The following NSD3 variants were observed in gnomAD, a reference collection of about 807,000 sequenced individuals.
The protein encoded by NSD3 is histone-lysine N-methyltransferase NSD3.
NSD3 carries 24 observed loss-of-function variants against 160.8 expected under a neutral mutation model. That is an observed-to-expected ratio of 0.15 (90% CI 0.11 to 0.21). The LOEUF (loss-of-function observed/expected upper bound fraction) is 0.21. NSD3 is among the 10% of genes least tolerant of loss of function. The pLI, the probability that NSD3 is intolerant of heterozygous loss-of-function variation, is 1.00. For synonymous variants in NSD3, 520 were observed against 600.0 expected (o/e 0.87, Z 1.95); for missense variants, 1,157 against 1,735.9 (o/e 0.67, Z 5.93).
chr8:38,351,148 AT>A (rs1227156908), intron 1 of NSD3, among the ~76,000 whole-genome samples: 76 of 141,966 alleles, frequency 5.4e-4, no homozygotes, highest in Non-Finnish European at 8.2e-4. Context: ...TTTTTTTTGT[AT>A]TTTTTTTTTA....
intron 17 of NSD3, 55 bp downstream of exon 17, chr8:38,290,420 A>T: frequency 1.9e-6 from 3 of 1,574,180 alleles, no homozygotes; most frequent in South Asian, 2.2e-5. Flanking sequence ...GGAGATGTTG[A>T]GAAACTGACA....
At chr8:38,331,095 CAT>C (rs962317547) in intron 5 of NSD3, among the ~76,000 whole-genome samples, 12 of 152,070 alleles carry the variant, frequency 7.9e-5, no homozygotes, top group Non-Finnish European at 1.6e-4. Context: ...ATTATGGAAA[CAT>C]GCTGAAATAG....
intron 7 of NSD3, among the ~76,000 whole-genome samples, chr8:38,322,655 C>A (rs986631498): frequency 1.3e-5 from 2 of 152,146 alleles, no homozygotes; most frequent in African/African-American, 4.8e-5. Flanking sequence ...AGAACATATA[C>A]ATTTAAAACC....
rs1432516628 is a variant in NSD3 at position 38,347,482 on chromosome 8, G to A, written c.675+15C>T. 4 of 1,546,658 alleles carry A rather than the reference G, an allele frequency of 2.6e-6. No individual in the cohort carries two copies. The highest frequency in any genetic ancestry group is 1.4e-5 in the African/African-American group (1 of 71,952). Reference sequence around the variant, plus strand: ...GAAATATAACAAAATTTTTCAAAACGACTTTTCAACTTACATTTTGTTCCT... The same window carrying A: ...GAAATATAACAAAATTTTTCAAAACAACTTTTCAACTTACATTTTGTTCCT... On this transcript the variant is annotated intron_variant, in intron 2 of 23. Transcript: ENST00000317025.
intron 21 of NSD3, 36 bp downstream of exon 21, chr8:38,279,504 A>G: frequency 1.2e-6 from 2 of 1,608,846 alleles, no homozygotes; most frequent in East Asian, 2.2e-5. Flanking sequence ...CTTTCTTCCT[A>G]GGGAGGAAAG....
Position 38,270,376 on chromosome 8 carries a change from A to G in NSD3, c.*5265T>C, listed in dbSNP as rs1429662698. The G allele has an allele frequency of 6.6e-6, 1 of 152,260 alleles. No homozygotes were observed. Among genetic ancestry groups the G allele is most frequent in the East Asian group, 1.9e-4 (1 of 5,204 alleles). The allele number at this position is 152,260 out of a possible 1,614,324, so 9.4% of individuals were successfully genotyped here. ...TGTAGGTATCTGTGTTTGTTGTGCA[A>G]TATCACTCAAATGGGTACAAATGAG... On this transcript the variant is annotated 3_prime_UTR_variant, in exon 24 of 24. Transcript: ENST00000317025.
chr8:38,337,183 G>A (rs1037147932), intron 4 of NSD3, 122 bp downstream of exon 4: 15 of 901,674 alleles, frequency 1.7e-5, no homozygotes, highest in Non-Finnish European at 2.2e-5. Context: ...AAACTGATAC[G>A]GATATGCACA....
intron 2 of NSD3, among the ~76,000 whole-genome samples, chr8:38,342,920 C>T (rs1195658664): frequency 2.6e-5 from 4 of 151,436 alleles, no homozygotes; most frequent in Admixed American, 6.6e-5. Context: ...GGCCAGGTGC[C>T]GTGGCTCACG....
chr8:38,351,492 G>A (rs1262598064), intron 1 of NSD3, among the ~76,000 whole-genome samples: 2 of 151,094 alleles, frequency 1.3e-5, no homozygotes, highest in African/African-American at 2.4e-5. Context: ...GTGAAACCCC[G>A]TCTCTGCTAA....
chr8:38,285,943 T>C (rs1563342468), intron 19 of NSD3, among the ~76,000 whole-genome samples: 1 of 152,124 alleles, frequency 6.6e-6, no homozygotes, highest in African/African-American at 2.4e-5. Context: ...CTTTCCTCCT[T>C]ATCATATGTT....
chr8:38,331,282 C>G (rs1459657500), intron 5 of NSD3, 149 bp downstream of exon 5: 3 of 916,986 alleles, frequency 3.3e-6, no homozygotes, highest in African/African-American at 1.7e-5. Flanking sequence ...TACAAACTTA[C>G]TAGTCATTTA....
rs190227518 is a variant in NSD3 at position 38,329,362 on chromosome 8, C to T, written c.1581+16G>A. ...AAATACCATCCCCCAAAAAACTCCA[C>T]GAAAAAAGGAGGTACCTTTGTTGAA... On this transcript the variant is annotated intron_variant, in intron 6 of 23. Transcript: ENST00000317025. This position sits in a 1 kb window ranked among gnomAD's most constrained non-coding sequence, Gnocchi z 4.8. 306 of 1,596,098 alleles carry T rather than the reference C, an allele frequency of 1.9e-4. 1 individual carries two copies. The African/African-American group carries it at 2.2e-3, about 12-fold the overall frequency.
At chr8:38,351,877 G>T (rs181169555) in intron 1 of NSD3, among the ~76,000 whole-genome samples, 1 of 151,856 alleles carries the variant, frequency 6.6e-6, no homozygotes, top group Non-Finnish European at 1.5e-5. Context: ...GTTGTGGGGT[G>T]GGGGGAGTGG....
chr8:38,279,677 C>T lies in NSD3; in HGVS notation c.3623G>A (p.Arg1208His), dbSNP rs1808687364. 4.3e-6 allele frequency: 7 copies of T among 1,612,010 alleles called. No homozygotes were observed. In the Admixed American group the frequency reaches 6.7e-5, roughly 15 times the overall value. ...TCCTTTTGGGCCGGCATCAATTATACGGTCCTTCAGAAAGAAAAGAAAAGT... is the reference window on the plus strand; with the variant it reads ...TCCTTTTGGGCCGGCATCAATTATATGGTCCTTCAGAAAGAAAAGAAAAGT... ...NFYMLTVTKD[R>H]IIDAGPKGNY... The change falls in exon 21 of 24, where the codon CGT becomes CAT. Residue 1208 changes from arginine (R) to histidine (H), a missense_variant. Arg to His is a conservative substitution (Grantham distance 29, BLOSUM62 0). Coordinates refer to ENST00000317025, the MANE Select transcript of NSD3 (RefSeq NM_023034.2).
intron 1 of NSD3, among the ~76,000 whole-genome samples, chr8:38,350,780 C>G (rs1339270981): frequency 6.6e-6 from 1 of 152,072 alleles, no homozygotes; most frequent in Non-Finnish European, 1.5e-5. Context: ...ATTATTGCAC[C>G]TCCTCCAGTA....
rs1038512735 is a variant in NSD3 at position 38,317,607 on chromosome 8, G to T, written c.1855+1288C>A. The T allele has an allele frequency of 1.8e-6, 2 of 1,124,626 alleles. No individual in the cohort carries two copies. The highest frequency in any genetic ancestry group is 1.1e-6 in the Non-Finnish European group (1 of 915,684). 69.7% of individuals were successfully genotyped at this position (1,124,626 alleles called of 1,614,324 possible). On this transcript the variant is annotated intron_variant, in intron 9 of 23. Transcript: ENST00000317025. The surrounding 1 kb of genome is among the most constrained non-coding windows in gnomAD (Gnocchi z 5.3). ...TAATGATTGTAATGTATACAGTTTG[G>T]GCTGTTTGGCAAACCCCTGCAGATG...
intron 12 of NSD3, among the ~76,000 whole-genome samples, chr8:38,308,588 G>A (rs921578255): frequency 6.6e-6 from 1 of 152,102 alleles, no homozygotes; most frequent in Non-Finnish European, 1.5e-5. Context: ...GGAGGCCGAG[G>A]CGGGAGGATC....
At position 38,297,475 on chromosome 8, in the gene NSD3, T is replaced by C. The variant is rs1034684372; in HGVS notation, c.2759-1523A>G. On this transcript the variant is annotated intron_variant, in intron 15 of 23. Coordinates refer to ENST00000317025, the MANE Select transcript of NSD3 (RefSeq NM_023034.2). ...GAGTGTACGAAGATTTAAAGTCTCA[T>C]AAGCAAAAGGGTAAGAGCCCTCTAT... 5.9e-5 allele frequency among the ~76,000 whole-genome samples: 9 copies of C among 152,178 alleles called. 1 individual carries two copies. The South Asian group carries it at 8.3e-4, about 14-fold the overall frequency.
chr8:38,353,318 G>A (rs1389047395), intron 1 of NSD3, among the ~76,000 whole-genome samples: 3 of 152,212 alleles, frequency 2.0e-5, no homozygotes, highest in Non-Finnish European at 4.4e-5. Context: ...ACAGACATAA[G>A]AAGGAAATGT....
Sources: allele counts gnomAD v4.1 joint callset (sites outside exome capture counted in the v4.1 genomes callset), GRCh38; gene constraint gnomAD v4.1.1; non-coding constraint Gnocchi (gnomAD v3.1); transcripts MANE v1.5; gene names NCBI Gene and HGNC (gene_info 2026-07-23, HGNC 2026-07-21).